Variants in VCAN observed in about 807,000 individuals in gnomAD.
VCAN encodes versican core protein.
In VCAN, 44 loss-of-function variants were observed where a neutral mutation model predicts 245.5. The observed-to-expected ratio is 0.18, with a 90% CI of 0.14 to 0.23. The LOEUF (loss-of-function observed/expected upper bound fraction) is 0.23. Ranked by LOEUF, VCAN falls within the 10% of genes least tolerant of loss-of-function variation. The pLI is 1.00. For synonymous variants in VCAN, 1,413 were observed against 1,437.0 expected (o/e 0.98, Z 0.38); for missense variants, 3,793 against 4,057.9 (o/e 0.93, Z 1.77).
chr5:83,515,139 A>G (rs1745802104), intron 6 of VCAN, among the ~76,000 whole-genome samples: 1 of 152,254 alleles, frequency 6.6e-6, no homozygotes, highest in African/African-American at 2.4e-5. Context: ...TTTGAAAAGT[A>G]AGCAAAGTAA....
intron 13 of VCAN, 26 bp downstream of exon 13, chr5:83,572,586 G>A (rs1228726484): frequency 3.1e-6 from 5 of 1,612,788 alleles, no homozygotes; most frequent in Non-Finnish European, 4.2e-6. Flanking sequence ...TTAATAATGT[G>A]TACTTAATCT....
chr5:83,577,540 AG>A (rs1748528372), intron 13 of VCAN, among the ~76,000 whole-genome samples: 1 of 152,180 alleles, frequency 6.6e-6, no homozygotes, highest in Non-Finnish European at 1.5e-5. Context: ...GTGTCTTCCC[AG>A]GTAGATCCTG....
intron 5 of VCAN, among the ~76,000 whole-genome samples, chr5:83,504,034 A>C (rs942718319): frequency 1.3e-5 from 2 of 152,216 alleles, no homozygotes; most frequent in Non-Finnish European, 2.9e-5. Flanking sequence ...ATTGTGAAAA[A>C]AATATACATG....
At chr5:83,566,055 C>T (rs1179751742) in intron 12 of VCAN, among the ~76,000 whole-genome samples, 1 of 47,676 alleles carries the variant, frequency 2.1e-5, no homozygotes, top group African/African-American at 1.3e-4. Context: ...CCTCCGCCTC[C>T]CGGGTTAAGT....
intron 6 of VCAN, among the ~76,000 whole-genome samples, chr5:83,514,345 A>G (rs1483977382): frequency 6.6e-6 from 1 of 152,200 alleles, no homozygotes; most frequent in African/African-American, 2.4e-5. Context: ...ATTTAGCCAT[A>G]TAGAAGCCTT....
At chr5:83,474,571 C>G (rs1744315903) in intron 1 of VCAN, among the ~76,000 whole-genome samples, 1 of 152,224 alleles carries the variant, frequency 6.6e-6, no homozygotes, top group African/African-American at 2.4e-5. Context: ...CCCGCAGCGG[C>G]TGGGTTAGCC....
chr5:83,554,893 GAT>G, intron 11 of VCAN, 61 bp from the exon 12 acceptor site: 2 of 1,449,808 alleles, frequency 1.4e-6, no homozygotes. Context: ...AATTTTCTTT[GAT>G]ATATTTTCAT....
intron 5 of VCAN, among the ~76,000 whole-genome samples, chr5:83,507,554 A>C (rs896337710): frequency 2.0e-4 from 31 of 152,254 alleles, no homozygotes; most frequent in African/African-American, 7.5e-4. Flanking sequence ...GCAACTAAGC[A>C]AACGTGCCTA....
In VCAN at chr5:83,521,173, G is replaced by C; in HGVS notation, c.2867G>C (p.Ser956Thr). The change falls in exon 7 of 15, where the codon AGT (serine) becomes ACT (threonine). Residue 956 changes from serine to threonine, a missense_variant. By Grantham distance (58) the Ser-to-Thr change is moderately conservative. Around this residue, in one of 5 missense-constraint regions of VCAN, gnomAD observed 3,182 missense variants for 3,250.3 expected, o/e 0.98. Transcript: ENST00000265077. ...GAGGTGGAAGGATTAGCATTTGTTA[G>C]TTATAGTAGCACCCAAGAGCCTACT... Reference protein sequence around the residue: ...TSEVEGLAFVSYSSTQEPTTY... With the variant: ...TSEVEGLAFVTYSSTQEPTTY... The C allele has an allele frequency of 6.2e-7, 1 of 1,613,536 alleles. No homozygotes were observed.
At chr5:83,570,249 A>G (rs573508516) in intron 12 of VCAN, among the ~76,000 whole-genome samples, 10 of 151,940 alleles carry the variant, frequency 6.6e-5, no homozygotes, top group Admixed American at 4.6e-4. Flanking sequence ...CCGAGAAATA[A>G]AACCACCCTT....
chr5:83,572,262 A>G (rs1394195098), intron 12 of VCAN, among the ~76,000 whole-genome samples, 154 bp from the exon 13 acceptor site: 1 of 152,232 alleles, frequency 6.6e-6, no homozygotes, highest in African/African-American at 2.4e-5. Flanking sequence ...CTCACAGTTT[A>G]ACAGTCTTTT....
In VCAN at chr5:83,473,416, G is replaced by T. The variant is rs139090276; in HGVS notation, c.-7+1393G>T. On this transcript the variant is annotated intron_variant, in intron 1 of 14. Coordinates refer to ENST00000265077, the MANE Select transcript of VCAN (RefSeq NM_004385.5). ...GGCGCCTGGAGAGTTGTCCTGCCGC[G>T]CGCACACCCGCGGCAGAGTCTCTCT... Among the ~76,000 whole-genome samples the T allele has an allele frequency of 3.8e-3, 584 of 152,248 alleles. 4 individuals are homozygous for T. Among genetic ancestry groups the T allele is most frequent in the African/African-American group, 0.013 (530 of 41,546 alleles).
At position 83,521,814 on chromosome 5, in the gene VCAN, A is replaced by G; in HGVS notation, c.3508A>G (p.Thr1170Ala). Reference sequence around the variant, plus strand: ...TACCCAGCTTATGGAAGAAACCACTACTGAGAAAACATCCCTAGAGGATAT... The same window carrying G: ...TACCCAGCTTATGGAAGAAACCACTGCTGAGAAAACATCCCTAGAGGATAT... ...HITQLMEETT[T>A]EKTSLEDIDL... Residue 1170 changes from threonine to alanine, a missense_variant, in exon 7 of 15, where the codon ACT becomes GCT. Transcript: ENST00000265077. 2 of 1,614,194 alleles carry G rather than the reference A, an allele frequency of 1.2e-6. No individual in the cohort carries two copies. Among genetic ancestry groups the G allele is most frequent in the East Asian group, 4.5e-5 (2 of 44,886 alleles).
intron 7 of VCAN, among the ~76,000 whole-genome samples, chr5:83,527,999 C>T (rs1746365449): frequency 6.6e-6 from 1 of 152,200 alleles, no homozygotes; most frequent in East Asian, 1.9e-4. Context: ...TCTAGCAGAG[C>T]ACAGTCAATC....
chr5:83,544,038 A>G (rs952590877), intron 8 of VCAN, among the ~76,000 whole-genome samples: 6 of 152,228 alleles, frequency 3.9e-5, no homozygotes, highest in Non-Finnish European at 1.5e-5. Context: ...TGGTAGGAAT[A>G]GTAATAGTAC....
In VCAN at chr5:83,539,047, T is replaced by A; in HGVS notation, c.6044T>A (p.Leu2015Gln). ...TSSAEGSGEQ[L>Q]VTVSSSVVPV... ...TCAGCTGAGGGCTCAGGTGAGCAAC[T>A]GGTCACAGTCAGCAGCTCTGTTGTT... is the stretch of plus-strand genomic sequence containing the variant. Residue 2015 changes from leucine to glutamine, a missense_variant, in exon 8 of 15, where the codon CTG (leucine) becomes CAG (glutamine). Leu to Gln is a moderately radical substitution (Grantham distance 113). Around this residue, in one of 5 missense-constraint regions of VCAN, gnomAD observed 3,182 missense variants for 3,250.3 expected, o/e 0.98. Coordinates refer to ENST00000265077, the MANE Select transcript of VCAN (RefSeq NM_004385.5). 2 of 1,614,000 alleles carry A rather than the reference T, an allele frequency of 1.2e-6. No individual in the cohort carries two copies. Among genetic ancestry groups the A allele is most frequent in the Non-Finnish European group, 1.7e-6 (2 of 1,179,970 alleles).
At chr5:83,476,887 A>G (rs1310147717) in intron 1 of VCAN, among the ~76,000 whole-genome samples, 1 of 152,216 alleles carries the variant, frequency 6.6e-6, no homozygotes, top group African/African-American at 2.4e-5. Flanking sequence ...CCACATCTGT[A>G]TACATCCTAC....
At chr5:83,535,162 G>C (rs545933579) in intron 7 of VCAN, among the ~76,000 whole-genome samples, 8 of 151,932 alleles carry the variant, frequency 5.3e-5, no homozygotes, top group Non-Finnish European at 1.0e-4. Context: ...TATTTATCTC[G>C]CTTCTCTTTG....
At position 83,580,780 on chromosome 5, in the gene VCAN, T is replaced by C. The variant is rs1000318716; in HGVS notation, c.*346T>C. The C allele has an allele frequency of 3.2e-5, 11 of 340,032 alleles. No individual in the cohort carries two copies. The highest frequency in any genetic ancestry group is 5.7e-5 in the Non-Finnish European group (10 of 175,234). 21.1% of individuals were successfully genotyped at this position (340,032 alleles called of 1,614,324 possible). On this transcript the variant is annotated 3_prime_UTR_variant, in exon 15 of 15. Transcript: ENST00000265077. ...AGCACCGATGGCCATGTAAATAAGA[T>C]GATTTAATGTTGATTTTAATCCTGT...
Sources: gnomAD v4.1 joint callset for allele counts (sites outside exome capture counted in the v4.1 genomes callset) on GRCh38, gnomAD v4.1.1 for gene constraint, gnomAD v4.1.1 regional missense constraint, MANE v1.5 for transcripts, NCBI Gene and HGNC (gene_info 2026-07-23, HGNC 2026-07-21) for gene names.